Variants in SPTLC2 observed in about 807,000 individuals in gnomAD.
SPTLC2 encodes serine palmitoyltransferase 2.
SPTLC2 carries 21 observed loss-of-function variants against 62.0 expected under a neutral mutation model. The observed-to-expected ratio is 0.34, with a 90% CI of 0.24 to 0.49. The LOEUF is 0.49. Among genes scored for constraint, SPTLC2 ranks in the 20% least tolerant of loss-of-function variants. The pLI is 0.99. For synonymous variants in SPTLC2, 261 were observed against 261.8 expected (o/e 1.00, Z 0.03); for missense variants, 511 against 713.0 (o/e 0.72, Z 3.23).
intron 2 of SPTLC2, among the ~76,000 whole-genome samples, chr14:77,580,698 G>A (rs2079745069): frequency 6.6e-6 from 1 of 152,062 alleles, no homozygotes; most frequent in Admixed American, 6.6e-5. Flanking sequence ...ACTCCAGTCT[G>A]TGCAACAGAG....
At chr14:77,534,865 C>A (rs1462290069) in intron 9 of SPTLC2, among the ~76,000 whole-genome samples, 1 of 151,972 alleles carries the variant, frequency 6.6e-6, no homozygotes, top group Non-Finnish European at 1.5e-5. Context: ...GGGAGATGGA[C>A]AACAAACAAA....
chr14:77,563,488 G>C (rs990798364), intron 5 of SPTLC2, among the ~76,000 whole-genome samples: 2 of 152,130 alleles, frequency 1.3e-5, no homozygotes, highest in South Asian at 4.1e-4. Flanking sequence ...GCAGTGGTGC[G>C]ATCTTGGTTC....
intron 9 of SPTLC2, among the ~76,000 whole-genome samples, chr14:77,543,539 G>A (rs1490728345): frequency 2.6e-5 from 4 of 152,114 alleles, no homozygotes; most frequent in African/African-American, 9.7e-5. Context: ...TTTACAAAAC[G>A]GTTAATACTA....
At chr14:77,606,402 T>C (rs1308484137) in intron 1 of SPTLC2, among the ~76,000 whole-genome samples, 1 of 151,910 alleles carries the variant, frequency 6.6e-6, no homozygotes, top group East Asian at 1.9e-4. Context: ...TGTGTGTGTG[T>C]GTACAGAATA....
intron 2 of SPTLC2, among the ~76,000 whole-genome samples, chr14:77,587,120 C>T (rs369661650): frequency 4.6e-5 from 7 of 151,972 alleles, no homozygotes; most frequent in African/African-American, 1.5e-4. Flanking sequence ...CCCAGCTACT[C>T]GGGAGGCTGA....
At chr14:77,567,832 A>AC (rs1395131361) in intron 5 of SPTLC2, among the ~76,000 whole-genome samples, 1 of 85,568 alleles carries the variant, frequency 1.2e-5, no homozygotes, top group Non-Finnish European at 2.7e-5. Flanking sequence ...TACAAGCTTT[A>AC]CTTTTTTTTT....
chr14:77,572,313 T>A (rs1214642198), intron 4 of SPTLC2, among the ~76,000 whole-genome samples: 1 of 152,170 alleles, frequency 6.6e-6, no homozygotes, highest in South Asian at 2.1e-4. Flanking sequence ...AAATAAAAGC[T>A]AAAAGCTCAA....
At chr14:77,589,993 A>AG (rs1194741382) in intron 2 of SPTLC2, among the ~76,000 whole-genome samples, 2 of 151,802 alleles carry the variant, frequency 1.3e-5, no homozygotes, top group African/African-American at 4.8e-5. Context: ...AAAAAAAAAA[A>AG]AAGACAAGGT....
At position 77,576,844 on chromosome 14, in the gene SPTLC2, G is replaced by A; in HGVS notation, c.554C>T (p.Thr185Ile). ...SYNYLGFARN[T>I]GSCQEAAAKV... is the part of the protein sequence containing the mutation. ...GGCGGCTGCTTCTTGACATGATCCA[G>A]TATTCCGTGCAAATCCAAGATAGTT... The change falls in exon 4 of 12, where the codon ACT (threonine) becomes ATT (isoleucine). Residue 185 changes from threonine (T) to isoleucine (I), a missense_variant. By Grantham distance (89) the Thr-to-Ile change is moderately conservative. Transcript: ENST00000216484. 1.2e-6 allele frequency: 2 copies of A among 1,614,124 alleles called. No homozygotes were observed. Among genetic ancestry groups the A allele is most frequent in the East Asian group, 2.2e-5 (1 of 44,882 alleles).
intron 4 of SPTLC2, among the ~76,000 whole-genome samples, chr14:77,573,555 G>T (rs2079696353): frequency 6.6e-6 from 1 of 152,102 alleles, no homozygotes; most frequent in African/African-American, 2.4e-5. Flanking sequence ...TTAGGGGGAT[G>T]CTAATGTCTT....
At chr14:77,590,660 C>A (rs1201738626) in intron 2 of SPTLC2, among the ~76,000 whole-genome samples, 1 of 151,944 alleles carries the variant, frequency 6.6e-6, no homozygotes, top group Non-Finnish European at 1.5e-5. Flanking sequence ...TGCAGTAAGC[C>A]GAGATCGCGC....
intron 4 of SPTLC2, among the ~76,000 whole-genome samples, chr14:77,574,831 G>T (rs11621931): frequency 0.069 from 10,427 of 152,200 alleles, 410 homozygotes; most frequent in Non-Finnish European, 0.096. Context: ...TGGTTGCCAA[G>T]GACTTGTAGG....
At chr14:77,582,509 C>T (rs1268302576) in intron 2 of SPTLC2, among the ~76,000 whole-genome samples, 2 of 152,144 alleles carry the variant, frequency 1.3e-5, no homozygotes, top group Non-Finnish European at 2.9e-5. Flanking sequence ...ACCTTAGAGT[C>T]TGCTCCAAAT....
At chr14:77,568,624 C>T (rs950202061) in intron 5 of SPTLC2, among the ~76,000 whole-genome samples, 12 of 151,906 alleles carry the variant, frequency 7.9e-5, no homozygotes, top group Admixed American at 1.3e-4. Context: ...TTGGCTAACA[C>T]GGTGAAACCC....
chr14:77,597,730 C>T lies in SPTLC2; in HGVS notation c.133-350G>A, dbSNP rs1175828666. 5.5e-4 allele frequency among the ~76,000 whole-genome samples: 82 copies of T among 150,388 alleles called. 2 individuals are homozygous for T. The highest frequency in any genetic ancestry group is 5.2e-3 in the Admixed American group (78 of 15,048). ...TGGAGGCTGCAGTAAGCCAAGATCA[C>T]GCCACTGCACTCCTGCCTGGGTGAC... On this transcript the variant is annotated intron_variant, in intron 1 of 11. Transcript: ENST00000216484.
rs1228501325 is a variant in SPTLC2, at chr14:77,511,193, T to C, written c.*1091A>G. On this transcript the variant is annotated 3_prime_UTR_variant, in exon 12 of 12. Coordinates refer to ENST00000216484, the MANE Select transcript of SPTLC2 (RefSeq NM_004863.4). ...AGTAATATTTAAGTGGGTTAGCTTCTAAGAGGCCTAAATTAATAAACCTAA... is the reference window on the plus strand; with the variant it reads ...AGTAATATTTAAGTGGGTTAGCTTCCAAGAGGCCTAAATTAATAAACCTAA... 6.6e-6 allele frequency: 1 copy of C among 152,254 alleles called. No individual in the cohort carries two copies. The highest frequency in any genetic ancestry group is 2.4e-5 in the African/African-American group (1 of 41,462). The allele number at this position is 152,254 out of a possible 1,614,324, so 9.4% of individuals were successfully genotyped here. A position where few individuals can be genotyped will look rare whatever the true frequency, so the allele number is the denominator to read the frequency against.
At chr14:77,571,300 C>T (rs1322108644) in intron 4 of SPTLC2, among the ~76,000 whole-genome samples, 1 of 152,096 alleles carries the variant, frequency 6.6e-6, no homozygotes, top group Non-Finnish European at 1.5e-5. Context: ...CACCTAAGGT[C>T]AGGAGTTTGA....
intron 4 of SPTLC2, among the ~76,000 whole-genome samples, chr14:77,575,591 G>A (rs1463298623): frequency 6.6e-6 from 1 of 152,194 alleles, no homozygotes; most frequent in Non-Finnish European, 1.5e-5. Flanking sequence ...GGGTGCAGTA[G>A]CACGATCATA....
At chr14:77,566,023 A>C (rs1365817605) in intron 5 of SPTLC2, among the ~76,000 whole-genome samples, 1 of 152,220 alleles carries the variant, frequency 6.6e-6, no homozygotes, top group Non-Finnish European at 1.5e-5. Context: ...TTCTTTACTT[A>C]CCACTCTTGG....
Sources: gnomAD v4.1 joint callset for allele counts (sites outside exome capture counted in the v4.1 genomes callset) on GRCh38, gnomAD v4.1.1 for gene constraint, MANE v1.5 for transcripts, NCBI Gene and HGNC (gene_info 2026-07-23, HGNC 2026-07-21) for gene names.